ABTB3: variants seen among roughly 807,000 people sequenced by gnomAD.
ABTB3 encodes ankyrin repeat- and BTB/POZ domain-containing protein 3.
the ABTB3 span, among the ~76,000 whole-genome samples, chr12:107,525,616 A>G: frequency 6.6e-6 from 1 of 152,182 alleles, no homozygotes; most frequent in African/African-American, 2.4e-5. Context: ...GTCTAAGGAC[A>G]TATTTCTCAG....
the ABTB3 span, among the ~76,000 whole-genome samples, chr12:107,428,355 C>G: frequency 6.6e-6 from 1 of 152,192 alleles, no homozygotes; most frequent in Admixed American, 6.5e-5. Flanking sequence ...TCCCCTGTAT[C>G]TTTCTGCCTT....
the ABTB3 span, chr12:107,657,482 C>G: frequency 3.3e-5 from 52 of 1,598,908 alleles, no homozygotes; most frequent in Admixed American, 5.0e-5. Context: ...GCGTAACCAT[C>G]TCCCATTTCC....
chr12:107,570,059 G>T, the ABTB3 span, among the ~76,000 whole-genome samples: 1 of 152,156 alleles, frequency 6.6e-6, no homozygotes, highest in Non-Finnish European at 1.5e-5. Context: ...CAGTCTCCTA[G>T]GTGCAAAAGA....
At chr12:107,392,002 G>T in the ABTB3 span, among the ~76,000 whole-genome samples, 43,109 of 152,126 alleles carry the variant, frequency 0.28, 6,346 homozygotes, top group Admixed American at 0.35. Context: ...TGTTAGCTGT[G>T]CAGTCGAAGG....
At chr12:107,342,373 C>T in the ABTB3 span, among the ~76,000 whole-genome samples, 21 of 152,072 alleles carry the variant, frequency 1.4e-4, no homozygotes, top group African/African-American at 4.8e-4. Context: ...TGCTCTGTCC[C>T]TCTGGCTGTC....
chr12:107,441,764 C>A, the ABTB3 span, among the ~76,000 whole-genome samples: 11 of 92,434 alleles, frequency 1.2e-4, no homozygotes, highest in Non-Finnish European at 2.0e-4. Flanking sequence ...ATAGTGAGAA[C>A]TTGTCTCTAC....
At chr12:107,347,848 T>C in the ABTB3 span, among the ~76,000 whole-genome samples, 27 of 152,062 alleles carry the variant, frequency 1.8e-4, no homozygotes, top group African/African-American at 6.3e-4. Flanking sequence ...GAAAATGCAG[T>C]TGGCCACAAA....
chr12:107,424,282 C>T, the ABTB3 span, among the ~76,000 whole-genome samples: 3 of 152,188 alleles, frequency 2.0e-5, no homozygotes, highest in African/African-American at 4.8e-5. Flanking sequence ...CTTGGAAATT[C>T]GAAGTGTTTA....
the ABTB3 span, among the ~76,000 whole-genome samples, chr12:107,513,467 C>T: frequency 1.3e-5 from 2 of 152,098 alleles, no homozygotes; most frequent in Non-Finnish European, 2.9e-5. Context: ...CTGGCATTTC[C>T]CCTGCTTGCA....
the ABTB3 span, among the ~76,000 whole-genome samples, chr12:107,401,264 G>A: frequency 6.6e-6 from 1 of 152,244 alleles, no homozygotes; most frequent in East Asian, 1.9e-4. Flanking sequence ...AGGAAGCCAA[G>A]GGGAGGTGAT....
At chr12:107,408,360 T>C in the ABTB3 span, among the ~76,000 whole-genome samples, 5 of 152,228 alleles carry the variant, frequency 3.3e-5, no homozygotes, top group African/African-American at 1.2e-4. Context: ...AAGACCAGCA[T>C]TGACATTTCT....
the ABTB3 span, among the ~76,000 whole-genome samples, chr12:107,557,520 CATTTT>C: frequency 6.6e-6 from 1 of 152,080 alleles, no homozygotes; most frequent in African/African-American, 2.4e-5. Context: ...TTTCATTTTT[CATTTT>C]ATTTTAATTT....
the ABTB3 span, among the ~76,000 whole-genome samples, chr12:107,470,948 T>C: frequency 1.3e-5 from 2 of 152,200 alleles, no homozygotes; most frequent in Admixed American, 1.3e-4. Context: ...GGACGTCTTA[T>C]TCCCAACTGT....
the ABTB3 span, among the ~76,000 whole-genome samples, chr12:107,643,401 TCAAAAAAAA>T: frequency 1.5e-5 from 1 of 67,646 alleles, no homozygotes; most frequent in Non-Finnish European, 2.6e-5. Flanking sequence ...AGACCCTATC[TCAAAAAAAA>T]AAAAAAAAAA....
the ABTB3 span, among the ~76,000 whole-genome samples, chr12:107,528,079 G>A: frequency 6.6e-6 from 1 of 152,170 alleles, no homozygotes; most frequent in Non-Finnish European, 1.5e-5. Flanking sequence ...GGCAGTGAAG[G>A]TGCTGTATCA....
the ABTB3 span, among the ~76,000 whole-genome samples, chr12:107,559,720 A>G: frequency 6.6e-6 from 1 of 152,228 alleles, no homozygotes; most frequent in Admixed American, 6.5e-5. Context: ...GTCTGACTTC[A>G]CAAACAAACC....
At chr12:107,596,347 C>G in the ABTB3 span, among the ~76,000 whole-genome samples, 1 of 152,198 alleles carries the variant, frequency 6.6e-6, no homozygotes, top group African/African-American at 2.4e-5. Flanking sequence ...GGTGCAGTGG[C>G]TCACGCCTGT....
chr12:107,442,551 G>T, the ABTB3 span, among the ~76,000 whole-genome samples: 77 of 152,334 alleles, frequency 5.1e-4, no homozygotes, highest in Non-Finnish European at 8.4e-4. Flanking sequence ...AGGAAACAGA[G>T]ATGTAAGTAA....
At chr12:107,646,270 T>G in the ABTB3 span, among the ~76,000 whole-genome samples, 4 of 152,300 alleles carry the variant, frequency 2.6e-5, no homozygotes, top group East Asian at 7.7e-4. Flanking sequence ...CCGGCAGAGT[T>G]TGAAGGAGGC....
Sources: allele counts gnomAD v4.1 joint callset (sites outside exome capture counted in the v4.1 genomes callset), GRCh38; gene constraint gnomAD v4.1.1; transcripts MANE v1.5; gene names NCBI Gene and HGNC (gene_info 2026-07-23, HGNC 2026-07-21).